Variants in CPQ observed in about 807,000 individuals in gnomAD.
CPQ encodes the protein Ser-Met dipeptidase.
A neutral mutation model predicts 45.7 loss-of-function variants in CPQ; 37 were observed. The ratio of observed to expected loss-of-function variants is 0.81; its 90% CI spans 0.62 to 1.07. The LOEUF is 1.07. Among genes scored for constraint, CPQ ranks in the 50% least tolerant of loss-of-function variants. CPQ has a pLI of 0.00. For synonymous variants in CPQ, 186 were observed against 205.8 expected (o/e 0.90, Z 0.82); for missense variants, 537 against 572.9 (o/e 0.94, Z 0.64).
chr8:96,753,860 G>A (rs1810294024), intron 1 of CPQ, among the ~76,000 whole-genome samples: 1 of 151,772 alleles, frequency 6.6e-6, no homozygotes, highest in African/African-American at 2.4e-5. Flanking sequence ...CAGCTAAGAG[G>A]TAACTGGCCT....
At chr8:96,890,923 C>G (rs981204331) in intron 4 of CPQ, among the ~76,000 whole-genome samples, 6 of 152,140 alleles carry the variant, frequency 3.9e-5, no homozygotes, top group African/African-American at 1.2e-4. Flanking sequence ...AGAAACAGTA[C>G]CATGTATTGG....
chr8:96,784,054 T>TA (rs2130807958), intron 1 of CPQ, among the ~76,000 whole-genome samples: 1 of 152,266 alleles, frequency 6.6e-6, no homozygotes, highest in South Asian at 2.1e-4. Flanking sequence ...TCCTCATTTG[T>TA]AAAATAAAGG....
intron 2 of CPQ, among the ~76,000 whole-genome samples, chr8:96,821,969 T>C (rs989022767): frequency 6.6e-6 from 1 of 152,024 alleles, no homozygotes; most frequent in Non-Finnish European, 1.5e-5. Context: ...AATCTATTGT[T>C]ATTAACTATA....
chr8:96,759,387 C>T (rs1225136106), intron 1 of CPQ, among the ~76,000 whole-genome samples: 4 of 152,172 alleles, frequency 2.6e-5, no homozygotes, highest in African/African-American at 9.7e-5. Flanking sequence ...TAAAACCCTT[C>T]TTCGAAGTGT....
intron 5 of CPQ, among the ~76,000 whole-genome samples, chr8:97,012,295 T>A (rs1809501102): frequency 6.6e-6 from 1 of 152,258 alleles, no homozygotes; most frequent in Non-Finnish European, 1.5e-5. Flanking sequence ...TTTTAGTTTC[T>A]TCTTTTATGA....
intron 6 of CPQ, among the ~76,000 whole-genome samples, chr8:97,056,101 AACACACACACACACACAC>A (rs34266303): frequency 6.8e-6 from 1 of 146,338 alleles, no homozygotes; most frequent in Admixed American, 6.9e-5. Flanking sequence ...CCTATCTCAA[AACACACACACACACACAC>A]ACACACACAC....
At chr8:97,124,103 G>A (rs1811803067) in intron 7 of CPQ, among the ~76,000 whole-genome samples, 1 of 151,766 alleles carries the variant, frequency 6.6e-6, no homozygotes, top group African/African-American at 2.4e-5. Context: ...GTGGACACCT[G>A]TAATCCCAGC....
chr8:96,847,829 T>G (rs1811716783), intron 3 of CPQ, among the ~76,000 whole-genome samples: 1 of 151,564 alleles, frequency 6.6e-6, no homozygotes, highest in Non-Finnish European at 1.5e-5. Flanking sequence ...GACTGATATT[T>G]GTTTTCCTTT....
At chr8:96,980,688 G>T (rs1813877816) in intron 5 of CPQ, among the ~76,000 whole-genome samples, 2 of 152,104 alleles carry the variant, frequency 1.3e-5, no homozygotes, top group African/African-American at 4.8e-5. Context: ...GTTCAGCTTG[G>T]TCAGGGGAAT....
At chr8:96,742,523 G>T (rs1810107551) in intron 1 of CPQ, among the ~76,000 whole-genome samples, 1 of 151,482 alleles carries the variant, frequency 6.6e-6, no homozygotes, top group East Asian at 1.9e-4. Context: ...TCATTATGAT[G>T]TTAGCTGGTT....
intron 6 of CPQ, among the ~76,000 whole-genome samples, chr8:97,042,739 A>G (rs1468765045): frequency 1.3e-5 from 2 of 151,196 alleles, no homozygotes; most frequent in African/African-American, 2.4e-5. Flanking sequence ...TCATTTCGTT[A>G]TGTACCCAGT....
At chr8:96,867,923 A>G (rs1389238752) in intron 3 of CPQ, among the ~76,000 whole-genome samples, 1 of 151,992 alleles carries the variant, frequency 6.6e-6, no homozygotes, top group South Asian at 2.1e-4. Flanking sequence ...TATGGTAATC[A>G]TTAGCACTGG....
At chr8:96,937,869 A>G (rs1813074587) in intron 4 of CPQ, among the ~76,000 whole-genome samples, 2 of 152,232 alleles carry the variant, frequency 1.3e-5, no homozygotes, top group African/African-American at 4.8e-5. Flanking sequence ...AGACGCTCCT[A>G]TCATGCTGTG....
At position 96,777,682 on chromosome 8, in the gene CPQ, A is replaced by G. The variant is rs554302186; in HGVS notation, c.-34-7182A>G. On this transcript the variant is annotated intron_variant, in intron 1 of 7. Coordinates refer to ENST00000220763, the MANE Select transcript of CPQ (RefSeq NM_016134.4). ...TTGAACTGACTCCAGGTCTAGAATG[A>G]ATTTTCCTATGTATGGTGACCCTAA... is the stretch of plus-strand genomic sequence containing the variant. Among the ~76,000 whole-genome samples the G allele has an allele frequency of 1.7e-3, 234 of 138,446 alleles. 2 individuals are homozygous for G. Among genetic ancestry groups the G allele is most frequent in the African/African-American group, 6.2e-3 (226 of 36,522 alleles). The allele number at this position is 138,446 out of a possible 152,430, so 90.8% of individuals were successfully genotyped here. A position where few individuals can be genotyped will look rare whatever the true frequency, so the allele number is the denominator to read the frequency against.
intron 1 of CPQ, among the ~76,000 whole-genome samples, chr8:96,713,393 G>C (rs1004653592): frequency 6.6e-6 from 1 of 152,260 alleles, no homozygotes; most frequent in African/African-American, 2.4e-5. Flanking sequence ...TTCTTGTGCT[G>C]CTAATAAAGA....
chr8:96,929,392 G>T (rs1190898248), intron 4 of CPQ, among the ~76,000 whole-genome samples: 2 of 152,156 alleles, frequency 1.3e-5, no homozygotes, highest in African/African-American at 4.8e-5. Context: ...CTATTGTAAA[G>T]AAGTTATGCC....
chr8:96,904,247 G>T (rs1233278616), intron 4 of CPQ, among the ~76,000 whole-genome samples: 1 of 152,068 alleles, frequency 6.6e-6, no homozygotes, highest in African/African-American at 2.4e-5. Context: ...AGTTTAACCC[G>T]AGTTATGTGT....
intron 4 of CPQ, among the ~76,000 whole-genome samples, chr8:96,921,760 T>C (rs936002963): frequency 1.3e-5 from 2 of 152,186 alleles, no homozygotes; most frequent in Non-Finnish European, 2.9e-5. Flanking sequence ...TGAAAAACTT[T>C]TATAGAAATT....
At chr8:96,966,204 A>C (rs1280104711) in intron 5 of CPQ, 158 bp downstream of exon 5, 4 of 531,134 alleles carry the variant, frequency 7.5e-6, no homozygotes, top group Non-Finnish European at 1.3e-5. Flanking sequence ...GCTCTTAAAG[A>C]AATTTTTATT....
Sources: gnomAD v4.1 joint callset for allele counts (sites outside exome capture counted in the v4.1 genomes callset) on GRCh38, gnomAD v4.1.1 for gene constraint, MANE v1.5 for transcripts, NCBI Gene and HGNC (gene_info 2026-07-23, HGNC 2026-07-21) for gene names.